Variants in PREX1 observed in about 807,000 individuals in gnomAD.
PREX1 encodes the protein phosphatidylinositol-3,4,5-trisphosphate dependent Rac exchange factor 1, also known as phosphatidylinositol 3,4,5-trisphosphate-dependent Rac exchanger 1 protein.
In PREX1, 41 loss-of-function variants were observed where a neutral mutation model predicts 198.3. The observed-to-expected ratio is 0.21, with a 90% CI of 0.16 to 0.27. The LOEUF is 0.27. PREX1 is among the 10% of genes least tolerant of loss of function. The probability of loss-of-function intolerance (pLI) is 1.00; values close to 1 mark genes in which losing one functional copy is unlikely to be tolerated. For missense variants in PREX1, 1,620 were observed against 2,200.7 expected, an observed-to-expected ratio of 0.74 and a Z score of 5.28; for synonymous variants, 843 against 887.2, an observed-to-expected ratio of 0.95 and a Z score of 0.89.
intron 6 of PREX1, among the ~76,000 whole-genome samples, chr20:48,702,835 A>G (rs1481605745): frequency 1.3e-5 from 2 of 152,228 alleles, no homozygotes; most frequent in Admixed American, 1.3e-4. Context: ...TAATTAATAC[A>G]ATAAGGTACA....
chr20:48,785,055 A>T (rs1488327614), intron 1 of PREX1, among the ~76,000 whole-genome samples: 1 of 152,038 alleles, frequency 6.6e-6, no homozygotes, highest in Non-Finnish European at 1.5e-5. Flanking sequence ...CTGGGATTAC[A>T]GGCACCTGCC....
At chr20:48,753,201 G>A (rs917229158) in intron 1 of PREX1, among the ~76,000 whole-genome samples, 1 of 152,146 alleles carries the variant, frequency 6.6e-6, no homozygotes, top group African/African-American at 2.4e-5. Flanking sequence ...GGCAGGGAGA[G>A]GGTTAGAAGG....
At chr20:48,629,415 T>TC (rs748775981) in intron 37 of PREX1, 34 bp downstream of exon 37, 25 of 1,602,840 alleles carry the variant, frequency 1.6e-5, no homozygotes, top group Non-Finnish European at 1.9e-5. Context: ...GGCCAGCCCC[T>TC]CCCCACACCC....
chr20:48,651,234 C>T (rs546509048), intron 22 of PREX1, among the ~76,000 whole-genome samples, 162 bp downstream of exon 22: 32 of 152,368 alleles, frequency 2.1e-4, no homozygotes, highest in East Asian at 1.4e-3. Flanking sequence ...CACAGTCCCA[C>T]GCTACCTAGT....
chr20:48,704,512 T>C (rs2089892654), intron 6 of PREX1, among the ~76,000 whole-genome samples: 1 of 151,672 alleles, frequency 6.6e-6, no homozygotes, highest in Non-Finnish European at 1.5e-5. Flanking sequence ...GAAAATGGAG[T>C]GCCTTCCTTC....
At chr20:48,676,446 G>A (rs1004970804) in intron 13 of PREX1, among the ~76,000 whole-genome samples, 178 bp from the exon 14 acceptor site, 5 of 152,336 alleles carry the variant, frequency 3.3e-5, no homozygotes, top group African/African-American at 1.2e-4. Flanking sequence ...GTGACCGAGG[G>A]CAGGGCTGTT....
intron 5 of PREX1, among the ~76,000 whole-genome samples, chr20:48,722,790 A>G (rs1334473871): frequency 3.3e-5 from 5 of 152,224 alleles, no homozygotes; most frequent in African/African-American, 1.2e-4. Context: ...GTCCCCTGCC[A>G]CACACTCCAA....
At chr20:48,723,504 G>A (rs1331830061) in intron 5 of PREX1, among the ~76,000 whole-genome samples, 3 of 152,260 alleles carry the variant, frequency 2.0e-5, no homozygotes, top group South Asian at 2.1e-4. Flanking sequence ...TGGCCCCAAC[G>A]GGAGTCTAAG....
At chr20:48,631,704 T>A (rs2122815850) in intron 35 of PREX1, among the ~76,000 whole-genome samples, 1 of 152,262 alleles carries the variant, frequency 6.6e-6, no homozygotes, top group East Asian at 1.9e-4. Context: ...GGCCTGCCTC[T>A]GTCACAGAGG....
At chr20:48,747,319 T>A (rs2090113302) in intron 2 of PREX1, among the ~76,000 whole-genome samples, 1 of 152,198 alleles carries the variant, frequency 6.6e-6, no homozygotes, top group African/African-American at 2.4e-5. Flanking sequence ...GAAGGCCTAT[T>A]GATCTCCTCC....
At chr20:48,693,165 G>A (rs6066817) in intron 7 of PREX1, among the ~76,000 whole-genome samples, 1 of 150,996 alleles carries the variant, frequency 6.6e-6, no homozygotes, top group Non-Finnish European at 1.5e-5. Context: ...CAGAATGGAA[G>A]GAGGGCTTGG....
chr20:48,665,559 C>A (rs762434600), intron 15 of PREX1, among the ~76,000 whole-genome samples: 1 of 152,188 alleles, frequency 6.6e-6, no homozygotes, highest in African/African-American at 2.4e-5. Context: ...TGCCATGTAA[C>A]CTTGAGAAAG....
intron 17 of PREX1, among the ~76,000 whole-genome samples, chr20:48,657,449 C>A (rs1380238785): frequency 6.6e-6 from 1 of 152,230 alleles, no homozygotes; most frequent in African/African-American, 2.4e-5. Flanking sequence ...GGGCCTGACC[C>A]TGTTGTGTGG....
chr20:48,734,357 G>A (rs544699562), intron 4 of PREX1, among the ~76,000 whole-genome samples, 189 bp downstream of exon 4: 12 of 152,134 alleles, frequency 7.9e-5, no homozygotes, highest in Admixed American at 2.6e-4. Context: ...TGTATGGTAC[G>A]CAGAGCCAAA....
intron 15 of PREX1, among the ~76,000 whole-genome samples, chr20:48,662,375 T>C (rs374181746): frequency 1.3e-5 from 2 of 152,324 alleles, no homozygotes; most frequent in East Asian, 1.9e-4. Context: ...CCAACCTCAA[T>C]ACCTTTCCCT....
chr20:48,884,456 G>A, the PREX1 span, among the ~76,000 whole-genome samples: 1 of 152,148 alleles, frequency 6.6e-6, no homozygotes. Context: ...TCAATAAGTG[G>A]TCACGTGAAA....
At position 48,636,548 on chromosome 20, in the gene PREX1, C is replaced by G. The variant is rs772901459; in HGVS notation, c.4082G>C (p.Arg1361Pro). 1.2e-6 allele frequency: 2 copies of G among 1,611,558 alleles called. No individual in the cohort carries two copies. The highest frequency in any genetic ancestry group is 3.3e-5 in the Admixed American group (2 of 59,984). The stretch of plus-strand genomic sequence containing the variant: ...CTCCAGCCACTTGCGGCTGGCGTCG[C>G]GGCTGCTCTCCTCGTACTCGCCATT... ...NNNGEYEESS[R>P]DASRKWLEQV... The change falls in exon 32 of 40, where the codon CGC becomes CCC. Residue 1361 changes from arginine to proline, a missense_variant. This residue lies in a region of PREX1 where 476 missense variants were observed against 603.4 expected (regional missense o/e 0.79). Transcript: ENST00000371941.
At chr20:48,695,487 G>A (rs1186745388) in intron 7 of PREX1, among the ~76,000 whole-genome samples, 2 of 152,248 alleles carry the variant, frequency 1.3e-5, no homozygotes, top group Admixed American at 6.5e-5. Context: ...AGCTTTAGGA[G>A]ATACTGCCAA....
chr20:48,758,104 G>C (rs1265771746), intron 1 of PREX1, among the ~76,000 whole-genome samples: 1 of 152,066 alleles, frequency 6.6e-6, no homozygotes, highest in Non-Finnish European at 1.5e-5. Flanking sequence ...ATGGTCCCTG[G>C]AAACACCAAC....
Sources: allele counts gnomAD v4.1 joint callset (sites outside exome capture counted in the v4.1 genomes callset), GRCh38; gene constraint gnomAD v4.1.1; regional missense constraint gnomAD v4.1.1; transcripts MANE v1.5; gene names NCBI Gene and HGNC (gene_info 2026-07-23, HGNC 2026-07-21).